The following ATP6V0D2 variants were observed in gnomAD, a reference collection of about 807,000 sequenced individuals.
The protein encoded by ATP6V0D2 is ATPase H+ transporting V0 subunit d2.
A neutral mutation model predicts 40.0 loss-of-function variants in ATP6V0D2; 40 were observed. That is an observed-to-expected ratio of 1.00 (90% confidence interval 0.78 to 1.30). The LOEUF is 1.30. ATP6V0D2 is among the 50% of genes most tolerant of loss of function. The pLI is 0.00. For missense variants in ATP6V0D2, 470 were observed against 423.1 expected (o/e 1.11, Z -0.97); for synonymous variants, 179 against 156.3 (o/e 1.15, Z -1.08).
intron 4 of ATP6V0D2, among the ~76,000 whole-genome samples, 176 bp downstream of exon 4, chr8:86,141,705 G>A (rs1212086716): frequency 1.3e-5 from 2 of 152,170 alleles, no homozygotes; most frequent in African/African-American, 4.8e-5. Context: ...ATGCATGTCA[G>A]CTTCCCCTAG....
At chr8:86,123,469 A>G (rs1049708462) in intron 2 of ATP6V0D2, among the ~76,000 whole-genome samples, 1 of 152,208 alleles carries the variant, frequency 6.6e-6, no homozygotes, top group African/African-American at 2.4e-5. Context: ...TAAAAGATGC[A>G]TGGAGGGGAT....
rs565266023 is a variant in ATP6V0D2, at chr8:86,147,761, A to G, written c.640-2351A>G. ...GGAAGGGCTTGTTATGAAAAAGATG[A>G]CATTTGATGGGACAGGAGCGCAGGG... On this transcript the variant is annotated intron_variant, in intron 5 of 7. Transcript: ENST00000285393. 3.9e-4 allele frequency among the ~76,000 whole-genome samples: 59 copies of G among 152,296 alleles called. 2 individuals are homozygous for G. The highest frequency in any genetic ancestry group is 3.5e-3 in the Admixed American group (53 of 15,290).
intron 1 of ATP6V0D2, among the ~76,000 whole-genome samples, chr8:86,105,125 G>C (rs1818452423): frequency 5.5e-5 from 1 of 18,138 alleles, no homozygotes; most frequent in South Asian, 8.7e-4. Context: ...TTCAACTTTA[G>C]CTCCACGGTA....
At chr8:86,100,955 G>A (rs970269041) in intron 1 of ATP6V0D2, among the ~76,000 whole-genome samples, 7 of 151,940 alleles carry the variant, frequency 4.6e-5, no homozygotes, top group Non-Finnish European at 8.8e-5. Flanking sequence ...TGGAGAGGTG[G>A]CTCATGCCTG....
intron 2 of ATP6V0D2, among the ~76,000 whole-genome samples, chr8:86,123,461 A>G (rs1167703541): frequency 6.6e-6 from 1 of 152,180 alleles, no homozygotes; most frequent in Non-Finnish European, 1.5e-5. Flanking sequence ...TAGTATTATA[A>G]AAGATGCATG....
At chr8:86,145,415 A>AAAGAAAAGAAAAGAAAAGAC (rs1563566424) in intron 5 of ATP6V0D2, among the ~76,000 whole-genome samples, 2 of 151,560 alleles carry the variant, frequency 1.3e-5, no homozygotes, top group African/African-American at 4.9e-5. Flanking sequence ...AAAGAAAAGA[A>AAAGAAAAGAAAAGAAAAGAC]AAGACGAGGT....
intron 1 of ATP6V0D2, among the ~76,000 whole-genome samples, chr8:86,107,609 A>C (rs1448688331): frequency 6.6e-6 from 1 of 152,204 alleles, no homozygotes. Flanking sequence ...AATTTTATAA[A>C]AGTTGTTTTT....
Position 86,151,595 on chromosome 8 carries a change from T to C in ATP6V0D2, c.891+55T>C, listed in dbSNP as rs114784273. 5,029 of 1,408,988 alleles carry C rather than the reference T, an allele frequency of 3.6e-3. 125 individuals are homozygous for C. In the African/African-American group the frequency reaches 0.056, roughly 16 times the overall value. 87.3% of individuals were successfully genotyped at this position (1,408,988 alleles called of 1,614,324 possible). The stretch of plus-strand genomic sequence containing the variant: ...TATTTTTCTCTTACTGTGGATTTTA[T>C]ATATTTTCTTACTTTGGGTTTTCTT... On this transcript the variant is annotated intron_variant, in intron 7 of 7. Coordinates refer to ENST00000285393, the MANE Select transcript of ATP6V0D2 (RefSeq NM_152565.1).
intron 2 of ATP6V0D2, among the ~76,000 whole-genome samples, chr8:86,114,386 T>C (rs1446865945): frequency 6.6e-6 from 1 of 152,158 alleles, no homozygotes; most frequent in Non-Finnish European, 1.5e-5. Flanking sequence ...TACAAAATAT[T>C]TGGGGCCGGG....
At chr8:86,134,905 T>C (rs1429345811) in intron 2 of ATP6V0D2, among the ~76,000 whole-genome samples, 1 of 152,204 alleles carries the variant, frequency 6.6e-6, no homozygotes, top group Non-Finnish European at 1.5e-5. Flanking sequence ...TCAAGAACAC[T>C]GAGCAGAGTT....
chr8:86,120,324 C>G (rs1586091205), intron 2 of ATP6V0D2, among the ~76,000 whole-genome samples: 1 of 151,954 alleles, frequency 6.6e-6, no homozygotes, highest in Middle Eastern at 3.4e-3. Flanking sequence ...TTGCTTGAGT[C>G]TAGGAGATTG....
At chr8:86,139,344 T>A in intron 2 of ATP6V0D2, 113 bp from the exon 3 acceptor site, 1 of 811,746 alleles carries the variant, frequency 1.2e-6, no homozygotes. Flanking sequence ...AAGAGACTCA[T>A]GTATTTTCTG....
intron 5 of ATP6V0D2, among the ~76,000 whole-genome samples, chr8:86,145,116 C>T (rs112134087): frequency 0.12 from 18,353 of 148,280 alleles, 1,270 homozygotes; most frequent in Non-Finnish European, 0.16. Context: ...TGCAGTGAGC[C>T]GAGATCGTGC....
At chr8:86,145,313 A>AAAGAAAG (rs1563566289) in intron 5 of ATP6V0D2, among the ~76,000 whole-genome samples, 9 of 76,474 alleles carry the variant, frequency 1.2e-4, no homozygotes, top group Non-Finnish European at 2.3e-4. Flanking sequence ...AAGAAAGAAA[A>AAAGAAAG]GAAAGAAGGA....
intron 5 of ATP6V0D2, among the ~76,000 whole-genome samples, chr8:86,148,567 T>C (rs1819101316): frequency 6.6e-6 from 1 of 152,184 alleles, no homozygotes; most frequent in Admixed American, 6.5e-5. Context: ...AAAATGCAGA[T>C]TCTGGTTGAG....
intron 1 of ATP6V0D2, among the ~76,000 whole-genome samples, chr8:86,105,795 T>C (rs988419972): frequency 4.6e-5 from 7 of 151,822 alleles, no homozygotes; most frequent in Non-Finnish European, 1.0e-4. Flanking sequence ...TTTATATTTT[T>C]AGTAGAGATG....
Position 86,104,878 on chromosome 8 carries a change from CAT to C in ATP6V0D2, c.130+5771_130+5772del, listed in dbSNP as rs1554586974. ...ACACACACACACACACACACACACACATCAAGAGCTTCCATCAGGCAAGATAA... is the reference window on the plus strand; with the variant it reads ...ACACACACACACACACACACACACACCAAGAGCTTCCATCAGGCAAGATAA... On this transcript the variant is annotated intron_variant, in intron 1 of 7. Coordinates refer to ENST00000285393, the MANE Select transcript of ATP6V0D2 (RefSeq NM_152565.1). Among the ~76,000 whole-genome samples, 4 of 151,744 alleles carry C rather than the reference CAT, an allele frequency of 2.6e-5. No homozygotes were observed. In the East Asian group the frequency reaches 7.8e-4, roughly 29 times the overall value.
chr8:86,105,677 C>T (rs1254976818), intron 1 of ATP6V0D2, among the ~76,000 whole-genome samples: 4 of 138,604 alleles, frequency 2.9e-5, no homozygotes, highest in Non-Finnish European at 6.1e-5. Context: ...TGCAGTGGCG[C>T]GATCTCGGCT....
Position 86,120,625 on chromosome 8 carries a change from C to T in ATP6V0D2, c.302+6745C>T, listed in dbSNP as rs549324723. Reference sequence around the variant, plus strand: ...TCCATTAGCCACAGTCTCCAACACTCTTGTATTTAAGCTACTTATCAGACC... The same window carrying T: ...TCCATTAGCCACAGTCTCCAACACTTTTGTATTTAAGCTACTTATCAGACC... On this transcript the variant is annotated intron_variant, in intron 2 of 7. Transcript: ENST00000285393. Among the ~76,000 whole-genome samples the T allele has an allele frequency of 4.3e-4, 65 of 152,308 alleles. 2 individuals are homozygous for T. The highest frequency in any genetic ancestry group is 1.5e-3 in the African/African-American group (63 of 41,572).
Sources: allele counts gnomAD v4.1 joint callset (sites outside exome capture counted in the v4.1 genomes callset), GRCh38; gene constraint gnomAD v4.1.1; transcripts MANE v1.5; gene names NCBI Gene and HGNC (gene_info 2026-07-23, HGNC 2026-07-21).